The following KCNH7 variants were observed in gnomAD, a reference collection of about 807,000 sequenced individuals.
The protein encoded by KCNH7 is potassium voltage-gated channel subfamily H member 7, also known as voltage-gated inwardly rectifying potassium channel KCNH7.
In KCNH7, 49 loss-of-function variants were observed where a neutral mutation model predicts 120.8. That is an observed-to-expected ratio of 0.41 (90% CI 0.32 to 0.51). KCNH7 has a LOEUF of 0.51. KCNH7 is among the 20% of genes least tolerant of loss of function. The pLI is 0.38. For missense variants in KCNH7, 1,097 were observed against 1,446.6 expected, an observed-to-expected ratio of 0.76 and a Z score of 3.92; for synonymous variants, 547 against 516.1, an observed-to-expected ratio of 1.06 and a Z score of -0.81.
chr2:162,373,760 G>A, intron 14 of KCNH7, 98 bp from the exon 15 acceptor site: 2 of 734,120 alleles, frequency 2.7e-6, no homozygotes, highest in African/African-American at 1.8e-5. Context: ...ACAGAATTAT[G>A]GCCTTGCTTT....
At chr2:162,593,965 C>T (rs756319913) in intron 2 of KCNH7, among the ~76,000 whole-genome samples, 79 of 152,044 alleles carry the variant, frequency 5.2e-4, no homozygotes, top group Admixed American at 1.4e-3. Flanking sequence ...ACTGGCTAAT[C>T]CTTTGTATAA....
intron 2 of KCNH7, among the ~76,000 whole-genome samples, chr2:162,777,175 T>A (rs776341142): frequency 1.3e-5 from 2 of 152,152 alleles, no homozygotes; most frequent in African/African-American, 2.4e-5. Context: ...TAACTCGGTA[T>A]CCATGGAAGA....
intron 2 of KCNH7, among the ~76,000 whole-genome samples, chr2:162,814,495 T>C (rs1028035434): frequency 5.3e-5 from 8 of 152,218 alleles, no homozygotes; most frequent in African/African-American, 1.2e-4. Context: ...ATCTGTCGTT[T>C]GGAACAAAGA....
In KCNH7 at chr2:162,692,614, G is replaced by C. The variant is rs76607489; in HGVS notation, c.307+143923C>G. Among the ~76,000 whole-genome samples the C allele has an allele frequency of 8.9e-3, 1,354 of 152,164 alleles. 18 individuals carry two copies. Among genetic ancestry groups the C allele is most frequent in the African/African-American group, 0.031 (1,292 of 41,500 alleles). On this transcript the variant is annotated intron_variant, in intron 2 of 15. Coordinates refer to ENST00000332142, the MANE Select transcript of KCNH7 (RefSeq NM_033272.4). ...TAGGTAGAAAAAAGTGTAGATAATT[G>C]GATTTTTTTCCTCTATTGATATTTT...
intron 2 of KCNH7, among the ~76,000 whole-genome samples, chr2:162,613,000 T>C (rs1683020304): frequency 6.6e-6 from 1 of 151,910 alleles, no homozygotes. Flanking sequence ...AATAAGAAGA[T>C]TTAATATGTA....
At chr2:162,411,823 G>A (rs972831868) in intron 9 of KCNH7, among the ~76,000 whole-genome samples, 1 of 151,032 alleles carries the variant, frequency 6.6e-6, no homozygotes, top group South Asian at 2.1e-4. Flanking sequence ...GGAAATTCTA[G>A]TGAATCAAAA....
intron 2 of KCNH7, among the ~76,000 whole-genome samples, chr2:162,708,877 GAAT>G (rs1686816233): frequency 6.6e-6 from 1 of 152,040 alleles, no homozygotes; most frequent in African/African-American, 2.4e-5. Context: ...TAGAAAAATT[GAAT>G]ATATCTTTGG....
chr2:162,794,086 G>C (rs1403377676), intron 2 of KCNH7, among the ~76,000 whole-genome samples: 1 of 151,744 alleles, frequency 6.6e-6, no homozygotes, highest in Non-Finnish European at 1.5e-5. Flanking sequence ...CCTCAGGAAA[G>C]CTGAAAAAAA....
At chr2:162,396,231 A>G (rs1686909643) in intron 11 of KCNH7, among the ~76,000 whole-genome samples, 2 of 151,774 alleles carry the variant, frequency 1.3e-5, no homozygotes, top group South Asian at 4.2e-4. Context: ...AAAACTGACA[A>G]TACTGTAAAA....
At chr2:162,397,092 A>G (rs1686935164) in intron 10 of KCNH7, 147 bp from the exon 11 acceptor site, 2 of 622,208 alleles carry the variant, frequency 3.2e-6, no homozygotes, top group South Asian at 4.0e-5. Context: ...CTAAATGCCC[A>G]TACCATGTTT....
At chr2:162,651,364 C>G (rs1684559389) in intron 2 of KCNH7, among the ~76,000 whole-genome samples, 1 of 152,042 alleles carries the variant, frequency 6.6e-6, no homozygotes, top group African/African-American at 2.4e-5. Flanking sequence ...TCTCCCTCCT[C>G]CCACCCCACC....
At chr2:162,609,305 CTTG>C (rs1682882606) in intron 2 of KCNH7, among the ~76,000 whole-genome samples, 2 of 152,282 alleles carry the variant, frequency 1.3e-5, no homozygotes, top group South Asian at 4.1e-4. Context: ...TTTAACTTTT[CTTG>C]CATGGAGTTC....
At chr2:162,838,420 G>T in intron 1 of KCNH7, 23 bp downstream of exon 1, 1 of 1,598,198 alleles carries the variant, frequency 6.3e-7, no homozygotes, top group Non-Finnish European at 8.6e-7. Flanking sequence ...GCGAGGGCGA[G>T]AGAAGAGAAC....
intron 2 of KCNH7, among the ~76,000 whole-genome samples, chr2:162,725,019 T>C (rs1454827986): frequency 6.6e-6 from 1 of 152,232 alleles, no homozygotes. Context: ...CTGATGAGAA[T>C]ATTTCTGTAA....
Position 162,618,511 on chromosome 2 carries a change from C to A in KCNH7, c.308-81431G>T, listed in dbSNP as rs190803838. The stretch of plus-strand genomic sequence containing the variant: ...ACAGAAATCACTAGTTTAAAAAAAA[C>A]CCCAAGTACTGATTTGAAAATAAAA... On this transcript the variant is annotated intron_variant, in intron 2 of 15. Transcript: ENST00000332142. 3.8e-3 allele frequency among the ~76,000 whole-genome samples: 578 copies of A among 152,058 alleles called. 13 individuals carry two copies. Among genetic ancestry groups the A allele is most frequent in the Admixed American group, 0.032 (485 of 15,282 alleles).
At chr2:162,725,986 T>C (rs1323925170) in intron 2 of KCNH7, among the ~76,000 whole-genome samples, 3 of 152,210 alleles carry the variant, frequency 2.0e-5, no homozygotes, top group Admixed American at 6.5e-5. Flanking sequence ...ACGATTTTAT[T>C]ATCATGCTTT....
At chr2:162,491,226 C>T (rs1368193927) in intron 6 of KCNH7, among the ~76,000 whole-genome samples, 1 of 152,228 alleles carries the variant, frequency 6.6e-6, no homozygotes, top group African/African-American at 2.4e-5. Flanking sequence ...TGGAGAAACA[C>T]ATTTGCATAG....
chr2:162,755,473 A>C (rs1381021095), intron 2 of KCNH7, among the ~76,000 whole-genome samples: 2 of 152,122 alleles, frequency 1.3e-5, no homozygotes, highest in African/African-American at 4.8e-5. Flanking sequence ...CTCCATCTCA[A>C]AAACAAAACA....
intron 8 of KCNH7, among the ~76,000 whole-genome samples, chr2:162,424,593 A>G (rs1687800786): frequency 6.6e-6 from 1 of 152,158 alleles, no homozygotes; most frequent in East Asian, 1.9e-4. Context: ...CAAACAACAC[A>G]TTTTTTTCCC....
Sources: gnomAD v4.1 joint callset for allele counts (sites outside exome capture counted in the v4.1 genomes callset) on GRCh38, gnomAD v4.1.1 for gene constraint, MANE v1.5 for transcripts, NCBI Gene and HGNC (gene_info 2026-07-23, HGNC 2026-07-21) for gene names.